VPS37B: variants seen among roughly 807,000 people sequenced by gnomAD.
VPS37B encodes vacuolar protein sorting-associated protein 37B.
In VPS37B, 11 loss-of-function variants were observed where a neutral mutation model predicts 21.2. That is an observed-to-expected ratio of 0.52 (90% CI 0.33 to 0.86). The LOEUF is 0.86. VPS37B is among the 40% of genes least tolerant of loss of function. The probability of loss-of-function intolerance (pLI) is 0.03; values close to 1 mark genes in which losing one functional copy is unlikely to be tolerated. For missense variants in VPS37B, 389 were observed against 374.8 expected (o/e 1.04, Z -0.31); for synonymous variants, 175 against 159.6 (o/e 1.10, Z -0.73).
chr12:122,877,681 C>T (rs778775170), intron 1 of VPS37B: 4 of 152,400 alleles, frequency 2.6e-5, no homozygotes, highest in Non-Finnish European at 4.4e-5. Context: ...TCTACCCTAA[C>T]CAAGGTCTTA....
chr12:122,868,222 G>A lies in VPS37B; in HGVS notation c.366+258C>T, dbSNP rs776984185. 6.6e-6 allele frequency among the ~76,000 whole-genome samples: 1 copy of A among 152,242 alleles called. No homozygotes were observed. Among genetic ancestry groups the A allele is most frequent in the Admixed American group, 6.5e-5 (1 of 15,290 alleles). On this transcript the variant is annotated intron_variant, in intron 3 of 3. Transcript: ENST00000267202. The surrounding 1 kb of genome is among the most constrained non-coding windows in gnomAD (Gnocchi z 5.5). Reference sequence around the variant, plus strand: ...TGGTAATCCGCCACTGGCCCCAGGGGCCGGCGTTCACAGGGTGGCACGCAT... The same window carrying A: ...TGGTAATCCGCCACTGGCCCCAGGGACCGGCGTTCACAGGGTGGCACGCAT...
chr12:122,892,254 GAA>G (rs1288478007), intron 1 of VPS37B, among the ~76,000 whole-genome samples: 3 of 152,194 alleles, frequency 2.0e-5, no homozygotes, highest in African/African-American at 7.2e-5. Flanking sequence ...GGAGGAACAG[GAA>G]GAGAGAAACT....
intron 1 of VPS37B, among the ~76,000 whole-genome samples, chr12:122,894,994 G>A (rs750586112): frequency 6.6e-6 from 1 of 152,084 alleles, no homozygotes; most frequent in Admixed American, 6.5e-5. Context: ...TCCCTTCCTC[G>A]GTGGAGGGGG....
chr12:122,891,344 C>T (rs778598285), intron 1 of VPS37B, among the ~76,000 whole-genome samples: 1 of 152,238 alleles, frequency 6.6e-6, no homozygotes, highest in Non-Finnish European at 1.5e-5. Context: ...TGTACCATTT[C>T]TGTTGTGACA....
intron 1 of VPS37B, chr12:122,886,084 C>G (rs1188133573): frequency 6.6e-6 from 1 of 152,172 alleles, no homozygotes; most frequent in Non-Finnish European, 1.5e-5. Flanking sequence ...ACTAAGGTAG[C>G]TTTCCTTGAT....
chr12:122,867,878 C>A lies in VPS37B; in HGVS notation c.367-271G>T, dbSNP rs913116377. Among the ~76,000 whole-genome samples, 2 of 152,314 alleles carry A rather than the reference C, an allele frequency of 1.3e-5. No homozygotes were observed. The highest frequency in any genetic ancestry group is 6.5e-5 in the Admixed American group (1 of 15,304). ...GGAGCTGGCCTTTGGGTGAGGGCTCCGACTCCTGGGTCCCAGGCCTCTCTC... is the reference window on the plus strand; with the variant it reads ...GGAGCTGGCCTTTGGGTGAGGGCTCAGACTCCTGGGTCCCAGGCCTCTCTC... On this transcript the variant is annotated intron_variant, in intron 3 of 3. Coordinates refer to ENST00000267202, the MANE Select transcript of VPS37B (RefSeq NM_024667.3). The surrounding 1 kb of genome is among the most constrained non-coding windows in gnomAD (Gnocchi z 5.5).
chr12:122,871,242 G>C, intron 1 of VPS37B, 181 bp from the exon 2 acceptor site: 2 of 1,363,892 alleles, frequency 1.5e-6, no homozygotes, highest in East Asian at 5.5e-5. Flanking sequence ...TTCTCATTTG[G>C]AGCTGCTGCC....
Position 122,868,445 on chromosome 12 carries a change from G to GC in VPS37B, c.366+34dup. 1.3e-6 allele frequency: 2 copies of GC among 1,599,900 alleles called. No homozygotes were observed. The highest frequency in any genetic ancestry group is 2.2e-5 in the South Asian group (2 of 89,510). On this transcript the variant is annotated intron_variant, in intron 3 of 3. Transcript: ENST00000267202. The surrounding 1 kb of genome is among the most constrained non-coding windows in gnomAD (Gnocchi z 5.5). ...AGCGGGCCCACGGACTGCCCAAAGC[G>GC]CCCCAAGGATTCCACCAAGGCTGGT...
At chr12:122,894,337 A>G (rs954473671) in intron 1 of VPS37B, among the ~76,000 whole-genome samples, 3 of 152,236 alleles carry the variant, frequency 2.0e-5, no homozygotes, top group African/African-American at 7.2e-5. Flanking sequence ...GTGTCAAGTT[A>G]CAAAGCCCAT....
At chr12:122,872,398 C>T (rs986721985) in intron 1 of VPS37B, 1 of 985,360 alleles carries the variant, frequency 1.0e-6, no homozygotes, top group African/African-American at 1.7e-5. Flanking sequence ...TGAAACCCAA[C>T]AGGATTTAAA....
At chr12:122,895,917 C>T (rs1423939067) in intron 1 of VPS37B, 35 bp downstream of exon 1, 7 of 1,600,926 alleles carry the variant, frequency 4.4e-6, no homozygotes, top group Non-Finnish European at 6.0e-6. Context: ...CGCTCGAGGC[C>T]TCACAGCCGC....
intron 1 of VPS37B, chr12:122,874,439 G>T (rs994602678): frequency 1.3e-5 from 2 of 152,114 alleles, no homozygotes; most frequent in African/African-American, 4.8e-5. Flanking sequence ...CCATACAAAT[G>T]CATCTACAAA....
At position 122,884,855 on chromosome 12, in the gene VPS37B, C is replaced by T. The variant is rs1323336225; in HGVS notation, c.111+11097G>A. ...TGGAAATTCATGTCTAAGAATTCTT[C>T]GGACCAGTCTTTACACAGGTGCAAA... On this transcript the variant is annotated intron_variant, in intron 1 of 3. Transcript: ENST00000267202. 3.3e-5 allele frequency: 5 copies of T among 152,168 alleles called. No homozygotes were observed. The East Asian group carries it at 5.8e-4, about 18-fold the overall frequency. 9.4% of individuals were successfully genotyped at this position (152,168 alleles called of 1,614,324 possible).
intron 1 of VPS37B, among the ~76,000 whole-genome samples, chr12:122,891,489 A>C (rs2034409825): frequency 6.6e-6 from 1 of 152,240 alleles, no homozygotes. Context: ...TTGATGCCTC[A>C]CTTAAGGATA....
chr12:122,889,716 C>T (rs1194827236), intron 1 of VPS37B: 4 of 140,560 alleles, frequency 2.8e-5, no homozygotes, highest in Non-Finnish European at 3.0e-5. Context: ...GAGCAAAACT[C>T]GGTCTCAAAA....
intron 1 of VPS37B, among the ~76,000 whole-genome samples, chr12:122,891,683 TAA>T (rs1373286063): frequency 6.6e-6 from 1 of 152,220 alleles, no homozygotes; most frequent in Non-Finnish European, 1.5e-5. Flanking sequence ...TCTTAGCTTC[TAA>T]AACAGTCTCA....
chr12:122,885,845 G>A (rs376021428), intron 1 of VPS37B: 1 of 150,180 alleles, frequency 6.7e-6, no homozygotes, highest in African/African-American at 2.4e-5. Context: ...TACCACGCCC[G>A]GCTAATTTTT....
chr12:122,889,422 T>C (rs1192183921), intron 1 of VPS37B: 1 of 152,452 alleles, frequency 6.6e-6, no homozygotes, highest in Admixed American at 6.5e-5. Context: ...CAGATTAACC[T>C]CCCTAAAGAG....
chr12:122,866,058 C>T lies in VPS37B; in HGVS notation c.*1058G>A, dbSNP rs772642906. ...TGGCTAAGGGTAGCCTGGGTCAAGG[C>T]GGCCGGACGTCTTGACCACCTGTAA... On this transcript the variant is annotated 3_prime_UTR_variant, in exon 4 of 4. Coordinates refer to ENST00000267202, the MANE Select transcript of VPS37B (RefSeq NM_024667.3). 8.5e-5 allele frequency: 13 copies of T among 152,658 alleles called. No homozygotes were observed. The highest frequency in any genetic ancestry group is 2.1e-4 in the South Asian group (1 of 4,836). 9.5% of individuals were successfully genotyped at this position (152,658 alleles called of 1,614,324 possible). A position where few individuals can be genotyped will look rare whatever the true frequency, so the allele number is the denominator to read the frequency against.
Sources: allele counts gnomAD v4.1 joint callset (sites outside exome capture counted in the v4.1 genomes callset), GRCh38; gene constraint gnomAD v4.1.1; non-coding constraint Gnocchi (gnomAD v3.1); transcripts MANE v1.5; gene names NCBI Gene and HGNC (gene_info 2026-07-23, HGNC 2026-07-21).